Variants in CALCR observed in about 807,000 individuals in gnomAD.
CALCR encodes calcitonin receptor.
CALCR carries 47 observed loss-of-function variants against 59.5 expected under a neutral mutation model. That is an observed-to-expected ratio of 0.79 (90% CI 0.63 to 1.01). The LOEUF is 1.01. Among genes scored for constraint, CALCR ranks in the 50% least tolerant of loss-of-function variants. The pLI is 0.00. For missense variants in CALCR, 566 were observed against 597.1 expected, an observed-to-expected ratio of 0.95 and a Z score of 0.54; for synonymous variants, 213 against 211.3, an observed-to-expected ratio of 1.01 and a Z score of -0.07.
At chr7:93,504,000 T>C (rs1801375969) in intron 2 of CALCR, among the ~76,000 whole-genome samples, 1 of 152,182 alleles carries the variant, frequency 6.6e-6, no homozygotes, top group African/African-American at 2.4e-5. Context: ...GGCTTTCTAA[T>C]TACATCTCTT....
chr7:93,508,855 A>G (rs1584594548), intron 2 of CALCR, among the ~76,000 whole-genome samples: 1 of 152,144 alleles, frequency 6.6e-6, no homozygotes, highest in East Asian at 1.9e-4. Context: ...GTACCTAGTG[A>G]CCCTAGGTAC....
At chr7:93,444,411 G>C (rs377121987) in intron 8 of CALCR, among the ~76,000 whole-genome samples, 2 of 152,178 alleles carry the variant, frequency 1.3e-5, no homozygotes, top group African/African-American at 4.8e-5. Flanking sequence ...ATTGTTGTCT[G>C]TATAGAAATA....
intron 2 of CALCR, among the ~76,000 whole-genome samples, chr7:93,563,755 A>G (rs1381448741): frequency 6.6e-6 from 1 of 152,228 alleles, no homozygotes; most frequent in East Asian, 1.9e-4. Flanking sequence ...TCATGCATTT[A>G]TAACGAGCAC....
At chr7:93,432,868 A>G (rs1799686871) in intron 13 of CALCR, among the ~76,000 whole-genome samples, 2 of 152,342 alleles carry the variant, frequency 1.3e-5, no homozygotes, top group South Asian at 4.1e-4. Context: ...GGGGTGACTT[A>G]CGCCCTACTC....
At chr7:93,458,930 G>T (rs1800262674) in intron 8 of CALCR, among the ~76,000 whole-genome samples, 1 of 152,036 alleles carries the variant, frequency 6.6e-6, no homozygotes, top group South Asian at 2.1e-4. Context: ...AAACTATTTT[G>T]AATCATTCAA....
chr7:93,493,846 T>C (rs1801138340), intron 2 of CALCR, among the ~76,000 whole-genome samples: 1 of 151,348 alleles, frequency 6.6e-6, no homozygotes, highest in Non-Finnish European at 1.5e-5. Flanking sequence ...TTCTTGTTGA[T>C]TGGGAATACA....
intron 8 of CALCR, among the ~76,000 whole-genome samples, chr7:93,460,564 A>ATATATAT (rs1562982351): frequency 1.2e-5 from 1 of 85,388 alleles, no homozygotes; most frequent in African/African-American, 9.5e-5. Flanking sequence ...TAAAAAAAAA[A>ATATATAT]AAAAAAAAAT....
intron 2 of CALCR, chr7:93,496,044 G>T: frequency 1.3e-6 from 1 of 792,452 alleles, no homozygotes; most frequent in South Asian, 1.9e-5. Context: ...CATGTAAGGG[G>T]AACAAATTTA....
intron 8 of CALCR, among the ~76,000 whole-genome samples, chr7:93,444,531 C>T (rs537759445): frequency 2.0e-5 from 3 of 152,010 alleles, no homozygotes; most frequent in South Asian, 2.1e-4. Context: ...GTTGTTGTTG[C>T]GGGGGCTGCC....
chr7:93,573,017 T>C (rs1790041326), intron 2 of CALCR, among the ~76,000 whole-genome samples: 1 of 152,174 alleles, frequency 6.6e-6, no homozygotes. Flanking sequence ...TGTTAAAATA[T>C]TGAGTAGAAA....
chr7:93,436,217 T>C (rs1190152257), intron 11 of CALCR, 47 bp from the exon 12 acceptor site: 1 of 1,442,874 alleles, frequency 6.9e-7, no homozygotes, highest in Non-Finnish European at 9.7e-7. Context: ...AAAGTATCAC[T>C]TAAGAATATG....
rs143232378 is a variant in CALCR at position 93,474,817 on chromosome 7, T to C, written c.317-2330A>G. Among the ~76,000 whole-genome samples, 291 of 151,950 alleles carry C rather than the reference T, an allele frequency of 1.9e-3. 4 individuals are homozygous for C. Among genetic ancestry groups the C allele is most frequent in the African/African-American group, 6.6e-3 (273 of 41,526 alleles). On this transcript the variant is annotated intron_variant, in intron 5 of 13. Coordinates refer to ENST00000426151, the MANE Select transcript of CALCR (RefSeq NM_001742.4). Reference sequence around the variant, plus strand: ...GGAAAATATTTTTGAAGCATTTTTCTATGTTAACAAAGGCAAAGCATTGTT... The same window carrying C: ...GGAAAATATTTTTGAAGCATTTTTCCATGTTAACAAAGGCAAAGCATTGTT...
intron 5 of CALCR, among the ~76,000 whole-genome samples, chr7:93,473,164 C>T (rs1201908850): frequency 6.6e-6 from 1 of 151,778 alleles, no homozygotes; most frequent in Non-Finnish European, 1.5e-5. Flanking sequence ...CTCATAGATG[C>T]TAGTTAATGA....
intron 2 of CALCR, among the ~76,000 whole-genome samples, chr7:93,487,776 G>A (rs991084736): frequency 2.6e-5 from 4 of 151,372 alleles, no homozygotes; most frequent in African/African-American, 9.7e-5. Context: ...GGTTATGACT[G>A]TATCTTAACT....
intron 9 of CALCR, 76 bp downstream of exon 9, chr7:93,443,528 C>T (rs1234128642): frequency 7.1e-7 from 1 of 1,401,030 alleles, no homozygotes; most frequent in Non-Finnish European, 9.9e-7. Flanking sequence ...TTCTCTGAGA[C>T]CAAGACTAGA....
chr7:93,467,254 A>G (rs1800459275), intron 7 of CALCR, among the ~76,000 whole-genome samples: 1 of 151,774 alleles, frequency 6.6e-6, no homozygotes, highest in East Asian at 1.9e-4. Context: ...TAATTTGAGT[A>G]ATTAATACTT....
intron 7 of CALCR, among the ~76,000 whole-genome samples, chr7:93,464,334 GC>G (rs1373622402): frequency 1.3e-5 from 2 of 151,894 alleles, no homozygotes; most frequent in African/African-American, 4.8e-5. Flanking sequence ...AAACAAAGTA[GC>G]AAAAAGAAAA....
intron 6 of CALCR, among the ~76,000 whole-genome samples, chr7:93,470,303 A>G (rs955751934): frequency 2.0e-5 from 3 of 151,466 alleles, no homozygotes; most frequent in African/African-American, 7.3e-5. Flanking sequence ...CTTTTCTCCC[A>G]GGAATTCATT....
At chr7:93,447,769 C>T (rs74760034) in intron 8 of CALCR, among the ~76,000 whole-genome samples, 3,766 of 151,952 alleles carry the variant, frequency 0.025, 144 homozygotes, top group African/African-American at 0.079. Context: ...CTTCAGAATG[C>T]CTGACATGCC....
Sources: allele counts gnomAD v4.1 joint callset (sites outside exome capture counted in the v4.1 genomes callset), GRCh38; gene constraint gnomAD v4.1.1; transcripts MANE v1.5; gene names NCBI Gene and HGNC (gene_info 2026-07-23, HGNC 2026-07-21).